The following GRIK2 variants were observed in gnomAD, a reference collection of about 807,000 sequenced individuals.
The protein encoded by GRIK2 is glutamate receptor ionotropic, kainate 2.
Under a neutral mutation model 100.3 loss-of-function variants are expected in GRIK2, and 32 were observed. The observed-to-expected ratio is 0.32, with a 90% CI of 0.24 to 0.43. GRIK2 has a LOEUF of 0.43. GRIK2 is among the 20% of genes least tolerant of loss of function. The pLI is 1.00. For missense variants in GRIK2, 843 were observed against 1,114.9 expected (o/e 0.76, Z 3.47); for synonymous variants, 417 against 389.4 (o/e 1.07, Z -0.83).
intron 2 of GRIK2, among the ~76,000 whole-genome samples, chr6:101,496,852 G>C (rs897353683): frequency 1.3e-5 from 2 of 152,162 alleles, no homozygotes; most frequent in East Asian, 3.8e-4. Flanking sequence ...AGGATTTAAA[G>C]GCTGATCAAA....
intron 12 of GRIK2, among the ~76,000 whole-genome samples, chr6:101,911,202 A>G (rs1788663670): frequency 6.6e-6 from 1 of 151,474 alleles, no homozygotes; most frequent in Admixed American, 6.6e-5. Context: ...GAAAGAAGGA[A>G]TAATGAATGC....
At chr6:101,954,087 C>G (rs1167886296) in intron 14 of GRIK2, among the ~76,000 whole-genome samples, 1 of 152,062 alleles carries the variant, frequency 6.6e-6, no homozygotes, top group African/African-American at 2.4e-5. Context: ...ATTTCTGAAC[C>G]TTTAATTCTT....
chr6:102,047,021 T>C (rs947870920), intron 15 of GRIK2, among the ~76,000 whole-genome samples: 1 of 151,910 alleles, frequency 6.6e-6, no homozygotes, highest in Non-Finnish European at 1.5e-5. Context: ...CAAATGACAG[T>C]AGAAACATAA....
At chr6:101,885,715 A>C (rs923435397) in intron 11 of GRIK2, among the ~76,000 whole-genome samples, 2 of 152,142 alleles carry the variant, frequency 1.3e-5, no homozygotes, top group African/African-American at 4.8e-5. Context: ...AACTGAGGAT[A>C]TGGTAAAAAC....
At chr6:101,707,906 C>A (rs1773451912) in intron 7 of GRIK2, among the ~76,000 whole-genome samples, 1 of 151,586 alleles carries the variant, frequency 6.6e-6, no homozygotes, top group African/African-American at 2.4e-5. Context: ...AGTGAATGTT[C>A]ATTGAATGCC....
At chr6:101,934,480 G>C (rs1320319066) in intron 14 of GRIK2, among the ~76,000 whole-genome samples, 1 of 151,870 alleles carries the variant, frequency 6.6e-6, no homozygotes, top group Non-Finnish European at 1.5e-5. Context: ...GATAGTATAT[G>C]TTTTGAAGTC....
At chr6:101,611,741 A>T (rs1358321910) in intron 2 of GRIK2, among the ~76,000 whole-genome samples, 1 of 151,800 alleles carries the variant, frequency 6.6e-6, no homozygotes. Flanking sequence ...GAAAATGAGT[A>T]CATTACGCTA....
At chr6:102,068,054 A>C (rs1423214928) in intron 16 of GRIK2, among the ~76,000 whole-genome samples, 1 of 151,992 alleles carries the variant, frequency 6.6e-6, no homozygotes, top group South Asian at 2.1e-4. Flanking sequence ...ATTTTTATAT[A>C]ATGTCATAGG....
chr6:101,656,852 ATTG>A (rs1268155726), intron 4 of GRIK2, among the ~76,000 whole-genome samples: 2 of 152,202 alleles, frequency 1.3e-5, no homozygotes, highest in Non-Finnish European at 2.9e-5. Flanking sequence ...TTCTCCAAAA[ATTG>A]TTAACGGGAA....
At chr6:101,645,565 A>G (rs1170826394) in intron 4 of GRIK2, among the ~76,000 whole-genome samples, 1 of 151,978 alleles carries the variant, frequency 6.6e-6, no homozygotes, top group African/African-American at 2.4e-5. Flanking sequence ...GATACCTTCA[A>G]AATATAAACC....
chr6:102,022,143 T>TACACAC (rs3995831), intron 14 of GRIK2, among the ~76,000 whole-genome samples: 1 of 133,154 alleles, frequency 7.5e-6, no homozygotes, highest in African/African-American at 2.6e-5. Flanking sequence ...AACACACACA[T>TACACAC]ACACACACAC....
At chr6:101,726,982 C>T (rs1774913937) in intron 7 of GRIK2, among the ~76,000 whole-genome samples, 1 of 151,978 alleles carries the variant, frequency 6.6e-6, no homozygotes, top group Admixed American at 6.6e-5. Flanking sequence ...GAAAGTATTA[C>T]AGATATTAAT....
At chr6:102,006,418 G>GCC (rs1795243706) in intron 14 of GRIK2, among the ~76,000 whole-genome samples, 2 of 137,022 alleles carry the variant, frequency 1.5e-5, no homozygotes, top group Non-Finnish European at 3.1e-5. Flanking sequence ...ACATACAGTG[G>GCC]AGTACAGTGG....
intron 7 of GRIK2, among the ~76,000 whole-genome samples, chr6:101,738,222 T>C (rs1373727977): frequency 6.6e-6 from 1 of 152,118 alleles, no homozygotes; most frequent in Non-Finnish European, 1.5e-5. Context: ...CAATTGTAAT[T>C]GACAATTGTC....
intron 14 of GRIK2, among the ~76,000 whole-genome samples, chr6:101,947,120 T>C (rs1791329642): frequency 6.6e-6 from 1 of 152,190 alleles, no homozygotes; most frequent in African/African-American, 2.4e-5. Flanking sequence ...GTCAGGGGCT[T>C]AGAGTCCAGA....
intron 2 of GRIK2, among the ~76,000 whole-genome samples, chr6:101,442,611 G>T (rs969119907): frequency 6.6e-6 from 1 of 152,160 alleles, no homozygotes; most frequent in East Asian, 1.9e-4. Context: ...TGATGGAGGG[G>T]ACAGAACAAT....
At chr6:101,982,379 G>A (rs114861329) in intron 14 of GRIK2, among the ~76,000 whole-genome samples, 1 of 151,756 alleles carries the variant, frequency 6.6e-6, no homozygotes, top group Non-Finnish European at 1.5e-5. Flanking sequence ...TGTGCTTTTT[G>A]TATATGCAGC....
chr6:101,683,717 G>A (rs540156824), intron 6 of GRIK2, among the ~76,000 whole-genome samples: 159 of 152,248 alleles, frequency 1.0e-3, no homozygotes, highest in Non-Finnish European at 1.7e-3. Context: ...TAATATTTAT[G>A]AATTACTGTA....
chr6:101,932,025 T>C (rs1790321392), intron 14 of GRIK2, among the ~76,000 whole-genome samples: 1 of 152,058 alleles, frequency 6.6e-6, no homozygotes, highest in Non-Finnish European at 1.5e-5. Flanking sequence ...TGGAAGCCTA[T>C]ACATTATAGG....
Sources: gnomAD v4.1 joint callset for allele counts (sites outside exome capture counted in the v4.1 genomes callset) on GRCh38, gnomAD v4.1.1 for gene constraint, MANE v1.5 for transcripts, NCBI Gene and HGNC (gene_info 2026-07-23, HGNC 2026-07-21) for gene names.